The following SLC2A14 variants were observed in gnomAD, a reference collection of about 807,000 sequenced individuals.
The protein encoded by SLC2A14 is solute carrier family 2, facilitated glucose transporter member 14.
SLC2A14 carries 13 observed loss-of-function variants against 43.0 expected under a neutral mutation model. The observed-to-expected ratio is 0.30, with a 90% CI of 0.20 to 0.48. The LOEUF (loss-of-function observed/expected upper bound fraction) is 0.48, where lower values mean the gene tolerates loss of function less well. Among genes scored for constraint, SLC2A14 ranks in the 20% least tolerant of loss-of-function variants. The probability of loss-of-function intolerance (pLI) is 0.99; values close to 1 mark genes in which losing one functional copy is unlikely to be tolerated. For synonymous variants in SLC2A14, 190 were observed against 233.8 expected (o/e 0.81, Z 1.71); for missense variants, 428 against 620.4 (o/e 0.69, Z 3.29).
intron 4 of SLC2A14, chr12:7,831,220 T>A (rs1266362376): frequency 6.0e-6 from 1 of 167,540 alleles, no homozygotes; most frequent in Non-Finnish European, 1.3e-5. Context: ...TGTGTAGAGG[T>A]AACAAAAACA....
At chr12:7,815,241 T>C (rs1028946152) in intron 10 of SLC2A14, among the ~76,000 whole-genome samples, 1 of 151,160 alleles carries the variant, frequency 6.6e-6, no homozygotes, top group African/African-American at 2.4e-5. Context: ...CAAAACCCCG[T>C]CTCTACTAAA....
intron 10 of SLC2A14, 141 bp from the exon 11 acceptor site, chr12:7,814,675 G>T: frequency 1.1e-6 from 1 of 952,210 alleles, no homozygotes; most frequent in Admixed American, 2.9e-5. Flanking sequence ...TTTCTTCAGA[G>T]ATTTACTTAT....
At chr12:7,885,492 A>G (rs1945672843) in intron 1 of SLC2A14, among the ~76,000 whole-genome samples, 3 of 151,992 alleles carry the variant, frequency 2.0e-5, no homozygotes, top group Admixed American at 2.0e-4. Flanking sequence ...GTAACTCTCC[A>G]ATTTTCTGAA....
chr12:7,885,190 G>T (rs1209059376), intron 1 of SLC2A14, among the ~76,000 whole-genome samples: 1 of 152,136 alleles, frequency 6.6e-6, no homozygotes, highest in African/African-American at 2.4e-5. Context: ...ACTAAAAAGA[G>T]CCAGGTGTGG....
At position 7,826,903 on chromosome 12, in the gene SLC2A14, TTCTTTC is replaced by T. The variant is rs1358895890; in HGVS notation, c.864+586_864+591del. 5.1e-4 allele frequency among the ~76,000 whole-genome samples: 39 copies of T among 76,528 alleles called. 2 individuals are homozygous for T. Among genetic ancestry groups the T allele is most frequent in the African/African-American group, 2.4e-3 (37 of 15,744 alleles). 50.2% of individuals were successfully genotyped at this position (76,528 alleles called of 152,430 possible). A position where few individuals can be genotyped will look rare whatever the true frequency, so the allele number is the denominator to read the frequency against. On this transcript the variant is annotated intron_variant, in intron 7 of 10. Coordinates refer to ENST00000431042, the MANE Select transcript of SLC2A14 (RefSeq NM_001286234.2). ...TTTCTTTCTTTCTTTCTTTCTTTCT[TTCTTTC>T]TTTCTTTTTCCTTTTTCTTTCCTTT... is the stretch of plus-strand genomic sequence containing the variant.
intron 1 of SLC2A14, among the ~76,000 whole-genome samples, chr12:7,886,974 C>T (rs113755223): frequency 8.1e-5 from 12 of 148,764 alleles, no homozygotes; most frequent in African/African-American, 2.5e-4. Context: ...TGCAATGGCG[C>T]GATCTCGGCT....
intron 2 of SLC2A14, among the ~76,000 whole-genome samples, chr12:7,858,847 C>T (rs949906677): frequency 1.3e-5 from 2 of 152,096 alleles, no homozygotes; most frequent in Admixed American, 6.6e-5. Flanking sequence ...TTTTCATTTG[C>T]TCATGCTTTT....
At chr12:7,842,918 G>C (rs1417605324) in intron 2 of SLC2A14, among the ~76,000 whole-genome samples, 2 of 151,962 alleles carry the variant, frequency 1.3e-5, no homozygotes, top group Non-Finnish European at 2.9e-5. Flanking sequence ...AGTAGAGATA[G>C]GGTTTCTACA....
chr12:7,859,606 G>A (rs1252702748), intron 2 of SLC2A14, among the ~76,000 whole-genome samples: 1 of 152,074 alleles, frequency 6.6e-6, no homozygotes, highest in Admixed American at 6.6e-5. Context: ...CATACATCAT[G>A]GAATAGCCAG....
chr12:7,853,610 A>G (rs1867117450), intron 2 of SLC2A14, among the ~76,000 whole-genome samples: 1 of 152,012 alleles, frequency 6.6e-6, no homozygotes, highest in South Asian at 2.1e-4. Context: ...AAGAAAAGAA[A>G]AAGAAAGAAA....
intron 2 of SLC2A14, among the ~76,000 whole-genome samples, chr12:7,854,945 G>A (rs1477957059): frequency 2.6e-5 from 4 of 152,046 alleles, no homozygotes; most frequent in Non-Finnish European, 4.4e-5. Context: ...GAGTAGCTGG[G>A]ATAACGGGTG....
chr12:7,816,325 C>T (rs1474404235), intron 10 of SLC2A14, among the ~76,000 whole-genome samples: 1 of 109,854 alleles, frequency 9.1e-6, no homozygotes, highest in Non-Finnish European at 1.9e-5. Context: ...AGGATGGTCT[C>T]GATCTCCTGA....
chr12:7,861,699 AC>A (rs1944569560), intron 2 of SLC2A14, among the ~76,000 whole-genome samples: 1 of 152,060 alleles, frequency 6.6e-6, no homozygotes, highest in Non-Finnish European at 1.5e-5. Flanking sequence ...GCGGAGGCTC[AC>A]CCTTGTAATC....
chr12:7,824,882 A>G (rs1864211369), intron 7 of SLC2A14, among the ~76,000 whole-genome samples: 1 of 151,922 alleles, frequency 6.6e-6, no homozygotes, highest in Non-Finnish European at 1.5e-5. Flanking sequence ...TTTAGTAGAG[A>G]CAGGCTTTTG....
At chr12:7,881,192 C>T (rs757976219) in intron 1 of SLC2A14, among the ~76,000 whole-genome samples, 1 of 152,224 alleles carries the variant, frequency 6.6e-6, no homozygotes, top group Non-Finnish European at 1.5e-5. Context: ...CGTGAGGAGC[C>T]CTTCAGCCCC....
chr12:7,843,539 C>T (rs1036350392), intron 2 of SLC2A14, among the ~76,000 whole-genome samples: 6 of 137,264 alleles, frequency 4.4e-5, no homozygotes, highest in African/African-American at 1.7e-4. Flanking sequence ...TAAAGACCCC[C>T]CTCCTCCCCA....
chr12:7,874,827 T>TA (rs376138527), upstream of SLC2A14, among the ~76,000 whole-genome samples: 1 of 83,620 alleles, frequency 1.2e-5, no homozygotes, highest in East Asian at 5.3e-4. Flanking sequence ...TATATATAAA[T>TA]TATATATAAA....
At chr12:7,875,135 T>A (rs11056252), upstream of SLC2A14, among the ~76,000 whole-genome samples, 456 of 109,200 alleles carry the variant, frequency 4.2e-3, 18 homozygotes, top group African/African-American at 0.016. Flanking sequence ...TTAAATATAT[T>A]TAAATATTAT....
Position 7,826,861 on chromosome 12 carries a change from T to TCTTTCTTTTC in SLC2A14, c.864+633_864+634insGAAAAGAAAG, listed in dbSNP as rs1555121667. On this transcript the variant is annotated intron_variant, in intron 7 of 10. Coordinates refer to ENST00000431042, the MANE Select transcript of SLC2A14 (RefSeq NM_001286234.2). ...TCCTTCCTTCCTTCCTTCCTTTCTTTTTTCTTTCTTTCTTTCTTTCTTTCT... is the reference window on the plus strand; with the variant it reads ...TCCTTCCTTCCTTCCTTCCTTTCTTTCTTTCTTTTCTTTCTTTCTTTCTTTCTTTCTTTCT... Among the ~76,000 whole-genome samples, 10 of 60,328 alleles carry TCTTTCTTTTC rather than the reference T, an allele frequency of 1.7e-4. 2 individuals carry two copies. In the South Asian group the frequency reaches 2.6e-3, roughly 15 times the overall value. The allele number at this position is 60,328 out of a possible 152,430, so 39.6% of individuals were successfully genotyped here.
Sources: allele counts gnomAD v4.1 joint callset (sites outside exome capture counted in the v4.1 genomes callset), GRCh38; gene constraint gnomAD v4.1.1; transcripts MANE v1.5; gene names NCBI Gene and HGNC (gene_info 2026-07-23, HGNC 2026-07-21).